The following ROCK2 variants were observed in gnomAD, a reference collection of about 807,000 sequenced individuals.
ROCK2 encodes rho-associated protein kinase 2.
A neutral mutation model predicts 195.1 loss-of-function variants in ROCK2; 61 were observed. That is an observed-to-expected ratio of 0.31 (90% CI 0.25 to 0.39). The LOEUF (loss-of-function observed/expected upper bound fraction) is 0.39, where lower values mean the gene tolerates loss of function less well. ROCK2 is among the 10% of genes least tolerant of loss of function. The pLI is 1.00. For missense variants in ROCK2, 1,109 were observed against 1,637.4 expected (o/e 0.68, Z 5.57); for synonymous variants, 504 against 545.5 (o/e 0.92, Z 1.06).
In ROCK2 at chr2:11,215,434, T is replaced by C. The variant is rs530612316; in HGVS notation, c.1598-22A>G. ...TTAACTATGATAAAAAGCATTTCAG[T>C]GGCAAGCTTAGCATAACACACATAC... is the stretch of plus-strand genomic sequence containing the variant. On this transcript the variant is annotated intron_variant, in intron 14 of 32. Transcript: ENST00000315872. 7 of 1,602,732 alleles carry C rather than the reference T, an allele frequency of 4.4e-6. No individual in the cohort carries two copies. The African/African-American group carries it at 8.1e-5, about 18-fold the overall frequency.
At chr2:11,238,871 C>T (rs559148804) in intron 4 of ROCK2, among the ~76,000 whole-genome samples, 4 of 151,800 alleles carry the variant, frequency 2.6e-5, no homozygotes, top group Admixed American at 1.3e-4. Context: ...ATACATAGAT[C>T]GATTGAACAC....
At chr2:11,338,608 T>C (rs954995876) in intron 1 of ROCK2, among the ~76,000 whole-genome samples, 5 of 152,086 alleles carry the variant, frequency 3.3e-5, no homozygotes, top group Admixed American at 6.5e-5. Flanking sequence ...GTAGGCAGAC[T>C]ATAAGGCAAG....
chr2:11,293,255 C>T (rs1667415531), intron 1 of ROCK2, among the ~76,000 whole-genome samples: 1 of 152,146 alleles, frequency 6.6e-6, no homozygotes, highest in African/African-American at 2.4e-5. Context: ...TAATTGAGGA[C>T]TGAGAATTTA....
At chr2:11,315,606 A>T (rs886237293) in intron 1 of ROCK2, among the ~76,000 whole-genome samples, 1 of 152,008 alleles carries the variant, frequency 6.6e-6, no homozygotes, top group Admixed American at 6.6e-5. Flanking sequence ...CATATCCATA[A>T]TTTTTTTCTG....
intron 1 of ROCK2, among the ~76,000 whole-genome samples, chr2:11,316,737 T>C (rs1413391787): frequency 6.6e-6 from 1 of 152,154 alleles, no homozygotes. Flanking sequence ...TTTTAAGTAA[T>C]TATTGACATG....
At chr2:11,288,073 C>G (rs1198185353) in intron 1 of ROCK2, among the ~76,000 whole-genome samples, 4 of 152,174 alleles carry the variant, frequency 2.6e-5, no homozygotes, top group Non-Finnish European at 5.9e-5. Context: ...TCAAGAAATA[C>G]AGCTACACTA....
chr2:11,223,228 A>T (rs867415187), intron 7 of ROCK2, among the ~76,000 whole-genome samples: 1 of 152,204 alleles, frequency 6.6e-6, no homozygotes, highest in African/African-American at 2.4e-5. Flanking sequence ...ACAGGTATTA[A>T]AGTTTTATTC....
intron 3 of ROCK2, among the ~76,000 whole-genome samples, chr2:11,280,782 CA>C (rs148239584): frequency 0.038 from 5,804 of 152,090 alleles, 128 homozygotes; most frequent in African/African-American, 0.051. Flanking sequence ...ATTAACCTTC[CA>C]AAACAGAAAG....
At chr2:11,249,330 A>G (rs1400156637) in intron 4 of ROCK2, among the ~76,000 whole-genome samples, 3 of 152,234 alleles carry the variant, frequency 2.0e-5, no homozygotes, top group Non-Finnish European at 2.9e-5. Flanking sequence ...AGATGATTCA[A>G]TGAATTTACT....
chr2:11,183,495 T>C, intron 32 of ROCK2, 55 bp from the exon 33 acceptor site: 1 of 1,344,010 alleles, frequency 7.4e-7, no homozygotes, highest in Admixed American at 2.0e-5. Flanking sequence ...TTTAAGAGTG[T>C]TAAATTCCTA....
chr2:11,221,126 T>C, intron 9 of ROCK2, 72 bp downstream of exon 9: 1 of 1,135,156 alleles, frequency 8.8e-7, no homozygotes, highest in Non-Finnish European at 1.2e-6. Context: ...TATAATTGAG[T>C]CTCAAAATAA....
At chr2:11,289,485 A>G (rs2148197812) in intron 1 of ROCK2, among the ~76,000 whole-genome samples, 2 of 152,354 alleles carry the variant, frequency 1.3e-5, no homozygotes, top group East Asian at 3.9e-4. Context: ...AAGTATATTC[A>G]TATGGAAAGC....
At chr2:11,266,948 T>C (rs1333305885) in intron 3 of ROCK2, among the ~76,000 whole-genome samples, 1 of 152,216 alleles carries the variant, frequency 6.6e-6, no homozygotes, top group Non-Finnish European at 1.5e-5. Flanking sequence ...GAAAAATTAA[T>C]GATAAAAACA....
At chr2:11,280,765 A>G (rs1015361387) in intron 3 of ROCK2, among the ~76,000 whole-genome samples, 18 of 151,926 alleles carry the variant, frequency 1.2e-4, no homozygotes, top group Admixed American at 1.1e-3. Context: ...AAATTAAATC[A>G]ATAGTTATTA....
intron 1 of ROCK2, among the ~76,000 whole-genome samples, chr2:11,323,563 G>A (rs545352872): frequency 2.6e-5 from 4 of 152,198 alleles, no homozygotes; most frequent in East Asian, 1.9e-4. Context: ...CAAAAAGTAC[G>A]CAACTACCTC....
chr2:11,298,732 C>G (rs1424749579), intron 1 of ROCK2, among the ~76,000 whole-genome samples: 1 of 152,112 alleles, frequency 6.6e-6, no homozygotes, highest in Non-Finnish European at 1.5e-5. Flanking sequence ...TGAGAAGTCA[C>G]ACGACTTTAT....
At chr2:11,321,914 T>C (rs1420658964) in intron 1 of ROCK2, among the ~76,000 whole-genome samples, 1 of 152,142 alleles carries the variant, frequency 6.6e-6, no homozygotes, top group Non-Finnish European at 1.5e-5. Context: ...CAAAATGTCA[T>C]TGGTATTTAA....
chr2:11,320,221 A>AT (rs1168919084), intron 1 of ROCK2, among the ~76,000 whole-genome samples: 8 of 152,210 alleles, frequency 5.3e-5, no homozygotes, highest in Non-Finnish European at 8.8e-5. Context: ...CTTTAAAAAA[A>AT]TTTTTTTAAG....
intron 6 of ROCK2, among the ~76,000 whole-genome samples, chr2:11,225,727 A>G (rs1269681546): frequency 6.6e-6 from 1 of 152,188 alleles, no homozygotes; most frequent in African/African-American, 2.4e-5. Flanking sequence ...GTGTCTAGGC[A>G]AAAAAGAGAA....
Sources: gnomAD v4.1 joint callset for allele counts (sites outside exome capture counted in the v4.1 genomes callset) on GRCh38, gnomAD v4.1.1 for gene constraint, MANE v1.5 for transcripts, NCBI Gene and HGNC (gene_info 2026-07-23, HGNC 2026-07-21) for gene names.